The following NUDT3 variants were observed in gnomAD, a reference collection of about 807,000 sequenced individuals.
The protein encoded by NUDT3 is nudix hydrolase 3.
Under a neutral mutation model 23.6 loss-of-function variants are expected in NUDT3, and 9 were observed. That is an observed-to-expected ratio of 0.38 (90% CI 0.23 to 0.66). The LOEUF (loss-of-function observed/expected upper bound fraction) is 0.66, where lower values mean the gene tolerates loss of function less well. Among genes scored for constraint, NUDT3 ranks in the 30% least tolerant of loss-of-function variants. The pLI, the probability that NUDT3 is intolerant of heterozygous loss-of-function variation, is 0.52. For synonymous variants in NUDT3, 86 were observed against 82.6 expected, an observed-to-expected ratio of 1.04 and a Z score of -0.22; for missense variants, 172 against 218.5, an observed-to-expected ratio of 0.79 and a Z score of 1.34.
intron 4 of NUDT3, among the ~76,000 whole-genome samples, chr6:34,289,148 G>GT (rs1375303017): frequency 6.6e-6 from 1 of 152,188 alleles, no homozygotes; most frequent in African/African-American, 2.4e-5. Flanking sequence ...GAGTAATTGT[G>GT]TAAAACCTGC....
intron 2 of NUDT3, among the ~76,000 whole-genome samples, chr6:34,316,427 C>T (rs1763859140): frequency 6.6e-6 from 1 of 152,160 alleles, no homozygotes; most frequent in Non-Finnish European, 1.5e-5. Flanking sequence ...GACAGGACTG[C>T]TTCATATAGA....
intron 2 of NUDT3, among the ~76,000 whole-genome samples, chr6:34,319,183 A>C (rs1451120126): frequency 1.3e-5 from 2 of 152,158 alleles, no homozygotes; most frequent in African/African-American, 4.8e-5. Context: ...CCTCTCCCAC[A>C]CCAAGCAGGG....
At chr6:34,336,247 A>G (rs1049254783) in intron 2 of NUDT3, among the ~76,000 whole-genome samples, 3 of 151,992 alleles carry the variant, frequency 2.0e-5, no homozygotes, top group African/African-American at 7.3e-5. Flanking sequence ...GCGAGACTCC[A>G]TCTCAAAACA....
chr6:34,358,535 C>A (rs1458518552), intron 1 of NUDT3, among the ~76,000 whole-genome samples: 1 of 152,032 alleles, frequency 6.6e-6, no homozygotes, highest in Admixed American at 6.6e-5. Context: ...AAAATTTTCA[C>A]AGGTTAGTAT....
intron 1 of NUDT3, among the ~76,000 whole-genome samples, chr6:34,376,863 CAGCT>C (rs928788695): frequency 4.1e-4 from 62 of 152,220 alleles, no homozygotes; most frequent in African/African-American, 1.5e-3. Context: ...AGCTCCCAGC[CAGCT>C]GACACCCCTT....
chr6:34,362,797 C>G lies in NUDT3; in HGVS notation c.100-20825G>C, dbSNP rs1354186496. Among the ~76,000 whole-genome samples the G allele has an allele frequency of 2.0e-5, 3 of 152,144 alleles. No homozygotes were observed. The East Asian group carries it at 5.8e-4, about 29-fold the overall frequency. ...TAAATATAACCTAATTAAATTCTCA[C>G]AATAACCCTAGGAATCAGATGGTAT... is the stretch of plus-strand genomic sequence containing the variant. On this transcript the variant is annotated intron_variant, in intron 1 of 4. Transcript: ENST00000607016.
intron 2 of NUDT3, among the ~76,000 whole-genome samples, chr6:34,330,122 G>A (rs1764105909): frequency 6.6e-6 from 1 of 152,188 alleles, no homozygotes; most frequent in Non-Finnish European, 1.5e-5. Context: ...GTGTGCATGT[G>A]TCTTTATAGC....
chr6:34,366,957 A>C (rs528618331), intron 1 of NUDT3, among the ~76,000 whole-genome samples: 1 of 152,254 alleles, frequency 6.6e-6, no homozygotes, highest in South Asian at 2.1e-4. Flanking sequence ...CAGTGGCACA[A>C]TCTCAGCTCA....
chr6:34,297,751 ATATATATAATT>A (rs939073462), intron 2 of NUDT3, among the ~76,000 whole-genome samples: 11 of 99,780 alleles, frequency 1.1e-4, no homozygotes, highest in African/African-American at 4.8e-4. Context: ...ATATATATAT[ATATATATAATT>A]TTTTTTTTTT....
At chr6:34,369,475 A>G (rs1361210833) in intron 1 of NUDT3, among the ~76,000 whole-genome samples, 2 of 152,218 alleles carry the variant, frequency 1.3e-5, no homozygotes, top group Non-Finnish European at 2.9e-5. Flanking sequence ...ATGGGGCTAC[A>G]ATGGTAAGCA....
chr6:34,320,954 T>C (rs576942955), intron 2 of NUDT3, among the ~76,000 whole-genome samples: 1 of 152,112 alleles, frequency 6.6e-6, no homozygotes, highest in East Asian at 1.9e-4. Flanking sequence ...AAAGCTTTGA[T>C]AAAATGTAGT....
At chr6:34,337,972 T>C (rs1764232857) in intron 2 of NUDT3, among the ~76,000 whole-genome samples, 1 of 152,218 alleles carries the variant, frequency 6.6e-6, no homozygotes, top group Admixed American at 6.5e-5. Context: ...TAAATCAAAA[T>C]TATTCAGTTT....
chr6:34,329,306 G>T (rs1764090550), intron 2 of NUDT3, among the ~76,000 whole-genome samples: 2 of 151,708 alleles, frequency 1.3e-5, no homozygotes, highest in Non-Finnish European at 2.9e-5. Context: ...TTGAGATGAA[G>T]TCTCGCTCTT....
intron 1 of NUDT3, among the ~76,000 whole-genome samples, chr6:34,381,496 A>T (rs1184054995): frequency 6.6e-6 from 1 of 152,146 alleles, no homozygotes; most frequent in Admixed American, 6.5e-5. Context: ...GATTGTGCCC[A>T]GCTAAAATAA....
intron 1 of NUDT3, among the ~76,000 whole-genome samples, chr6:34,387,235 T>TTC (rs3042012): frequency 1.3e-5 from 2 of 152,070 alleles, no homozygotes; most frequent in East Asian, 3.9e-4. Context: ...GTAGAGTGTA[T>TTC]TCTATTTTTT....
At chr6:34,347,401 G>A (rs1764391331) in intron 1 of NUDT3, among the ~76,000 whole-genome samples, 1 of 152,180 alleles carries the variant, frequency 6.6e-6, no homozygotes, top group Non-Finnish European at 1.5e-5. Flanking sequence ...TGAGACAGGT[G>A]ATATCTACGC....
At chr6:34,314,242 G>A (rs1233404464) in intron 2 of NUDT3, among the ~76,000 whole-genome samples, 1 of 151,498 alleles carries the variant, frequency 6.6e-6, no homozygotes, top group Non-Finnish European at 1.5e-5. Context: ...GGCCAATATG[G>A]CAAAACCCCA....
intron 1 of NUDT3, among the ~76,000 whole-genome samples, chr6:34,366,841 C>T (rs1388441621): frequency 2.0e-5 from 3 of 152,160 alleles, no homozygotes; most frequent in Non-Finnish European, 4.4e-5. Flanking sequence ...GAACTGTACA[C>T]TTTTAAATAC....
Position 34,369,507 on chromosome 6 carries a change from T to C in NUDT3, c.99+22757A>G, listed in dbSNP as rs966759936. ...AGCAAGACAGAGGAGACGGCTGCTC[T>C]GATGAAGTCACAGTTAAGGAGAGGG... On this transcript the variant is annotated intron_variant, in intron 1 of 4. Transcript: ENST00000607016. 5.9e-5 allele frequency among the ~76,000 whole-genome samples: 9 copies of C among 152,282 alleles called. No individual in the cohort carries two copies. In the East Asian group the frequency reaches 1.5e-3, roughly 26 times the overall value.
Sources: allele counts gnomAD v4.1 joint callset (sites outside exome capture counted in the v4.1 genomes callset), GRCh38; gene constraint gnomAD v4.1.1; transcripts MANE v1.5; gene names NCBI Gene and HGNC (gene_info 2026-07-23, HGNC 2026-07-21).